DGKB: variants seen among roughly 807,000 people sequenced by gnomAD.
The protein encoded by DGKB is 90 kDa diacylglycerol kinase.
Under a neutral mutation model 114.3 loss-of-function variants are expected in DGKB, and 67 were observed. The ratio of observed to expected loss-of-function variants is 0.59; its 90% CI spans 0.48 to 0.72. DGKB has a LOEUF of 0.72. Among genes scored for constraint, DGKB ranks in the 30% least tolerant of loss-of-function variants. The pLI is 0.00. For synonymous variants in DGKB, 398 were observed against 323.1 expected, an observed-to-expected ratio of 1.23 and a Z score of -2.49; for missense variants, 907 against 975.2, an observed-to-expected ratio of 0.93 and a Z score of 0.93.
intron 12 of DGKB, among the ~76,000 whole-genome samples, chr7:14,676,444 C>G (rs1819870843): frequency 6.6e-6 from 1 of 152,054 alleles, no homozygotes; most frequent in Non-Finnish European, 1.5e-5. Context: ...TTGTTTGCAA[C>G]TCAAAGGATA....
At chr7:14,617,218 T>C (rs1190852938) in intron 15 of DGKB, among the ~76,000 whole-genome samples, 1 of 151,690 alleles carries the variant, frequency 6.6e-6, no homozygotes, top group East Asian at 1.9e-4. Flanking sequence ...ACCTACTTGA[T>C]ATTTTTATTT....
At chr7:14,166,621 C>T (rs1334449461) in intron 25 of DGKB, among the ~76,000 whole-genome samples, 1 of 151,944 alleles carries the variant, frequency 6.6e-6, no homozygotes, top group Non-Finnish European at 1.5e-5. Context: ...ACTGAATGCA[C>T]TATAAACCCT....
intron 2 of DGKB, among the ~76,000 whole-genome samples, chr7:14,786,858 C>T (rs1442436858): frequency 6.6e-6 from 1 of 152,034 alleles, no homozygotes; most frequent in Non-Finnish European, 1.5e-5. Context: ...TTTGCATGAA[C>T]AGCTAAAAAC....
intron 8 of DGKB, among the ~76,000 whole-genome samples, chr7:14,695,624 C>G (rs562484291): frequency 6.6e-6 from 1 of 150,980 alleles, no homozygotes. Context: ...CTCAGCCTCC[C>G]GAGTAGCTGG....
intron 13 of DGKB, among the ~76,000 whole-genome samples, chr7:14,641,710 C>T (rs887365421): frequency 2.6e-5 from 4 of 152,040 alleles, no homozygotes; most frequent in African/African-American, 4.8e-5. Flanking sequence ...GACTTTCTAT[C>T]ACATCTTTAC....
At chr7:14,665,088 C>A (rs752109411) in intron 13 of DGKB, among the ~76,000 whole-genome samples, 3 of 151,808 alleles carry the variant, frequency 2.0e-5, no homozygotes, top group Non-Finnish European at 2.9e-5. Context: ...TTTAAATAAT[C>A]AGCATATTAA....
intron 21 of DGKB, among the ~76,000 whole-genome samples, chr7:14,373,954 G>A (rs1025182140): frequency 6.6e-6 from 1 of 151,908 alleles, no homozygotes; most frequent in African/African-American, 2.4e-5. Flanking sequence ...TATCCCCTAG[G>A]CATCTGCCAA....
chr7:14,892,782 T>G (rs1430498824), intron 1 of DGKB, among the ~76,000 whole-genome samples: 1 of 151,074 alleles, frequency 6.6e-6, no homozygotes, highest in Non-Finnish European at 1.5e-5. Context: ...CCTGTTCAAA[T>G]TGTTATATTC....
At chr7:14,274,966 TG>T (rs1798781985) in intron 23 of DGKB, among the ~76,000 whole-genome samples, 1 of 146,266 alleles carries the variant, frequency 6.8e-6, no homozygotes, top group African/African-American at 2.4e-5. Flanking sequence ...TGTGTGTGTG[TG>T]TGTGTGTTTG....
chr7:14,304,085 A>ACTCT (rs1436692665), intron 23 of DGKB, among the ~76,000 whole-genome samples: 630 of 28,518 alleles, frequency 0.022, 2 homozygotes, highest in Middle Eastern at 0.074. Flanking sequence ...ACACACACAC[A>ACTCT]CACTCTCTCT....
At chr7:14,851,645 T>A (rs1849367639) in intron 1 of DGKB, among the ~76,000 whole-genome samples, 1 of 152,218 alleles carries the variant, frequency 6.6e-6, no homozygotes, top group African/African-American at 2.4e-5. Flanking sequence ...TGTGACTTTC[T>A]GAAGCTATAC....
intron 20 of DGKB, among the ~76,000 whole-genome samples, chr7:14,488,462 A>T (rs1345351143): frequency 6.6e-6 from 1 of 152,088 alleles, no homozygotes; most frequent in Non-Finnish European, 1.5e-5. Context: ...TCTACCAAGC[A>T]AATTCCAGAC....
At chr7:14,684,174 A>G (rs1821295449) in intron 10 of DGKB, among the ~76,000 whole-genome samples, 1 of 152,166 alleles carries the variant, frequency 6.6e-6, no homozygotes, top group Non-Finnish European at 1.5e-5. Flanking sequence ...AATCATATGC[A>G]TATGTGGCAT....
chr7:14,330,793 G>T (rs1809592114), intron 23 of DGKB, among the ~76,000 whole-genome samples: 1 of 151,892 alleles, frequency 6.6e-6, no homozygotes. Context: ...AGCTACCAGT[G>T]TCTGCAGTTT....
In DGKB at chr7:14,203,955, A is replaced by G. The variant is rs187430526; in HGVS notation, c.2123-25804T>C. ...GATAACATGGATAAAAACTACTCAA[A>G]TCTCATCCCTATTCTCTCCTCCCCC... On this transcript the variant is annotated intron_variant, in intron 23 of 25. Transcript: ENST00000402815. Among the ~76,000 whole-genome samples the G allele has an allele frequency of 4.2e-4, 64 of 151,962 alleles. No individual in the cohort carries two copies. The Middle Eastern group carries it at 0.024, about 57-fold the overall frequency.
intron 25 of DGKB, among the ~76,000 whole-genome samples, chr7:14,172,145 A>G (rs555807724): frequency 6.6e-6 from 1 of 152,182 alleles, no homozygotes; most frequent in Non-Finnish European, 1.5e-5. Flanking sequence ...GAAGAGGAAA[A>G]ATTTGTTTGG....
rs543642488 is a variant in DGKB, at chr7:14,833,992, G to A, written c.70+7202C>T. On this transcript the variant is annotated intron_variant, in intron 2 of 25. Coordinates refer to ENST00000402815, the MANE Select transcript of DGKB (RefSeq NM_001350709.2). The stretch of plus-strand genomic sequence containing the variant: ...CTGGATCTGTCTCTCCGAACAGGCT[G>A]CTGAATAATGAATACAGTTAAGTTC... 1.2e-4 allele frequency among the ~76,000 whole-genome samples: 18 copies of A among 152,226 alleles called. No homozygotes were observed. The South Asian group carries it at 3.5e-3, about 30-fold the overall frequency.
chr7:14,900,592 GA>G (rs1782865727), intron 1 of DGKB, among the ~76,000 whole-genome samples: 1 of 152,022 alleles, frequency 6.6e-6, no homozygotes, highest in Non-Finnish European at 1.5e-5. Flanking sequence ...TAGTGTGCAA[GA>G]AAAAGCATCA....
intron 23 of DGKB, among the ~76,000 whole-genome samples, chr7:14,232,107 C>T (rs1207744247): frequency 6.6e-6 from 1 of 151,956 alleles, no homozygotes; most frequent in African/African-American, 2.4e-5. Context: ...TTGCCTCCCT[C>T]TTTTCCTCTC....
Sources: allele counts gnomAD v4.1 joint callset (sites outside exome capture counted in the v4.1 genomes callset), GRCh38; gene constraint gnomAD v4.1.1; transcripts MANE v1.5; gene names NCBI Gene and HGNC (gene_info 2026-07-23, HGNC 2026-07-21).